Variants in ZNF710 observed in about 807,000 individuals in gnomAD.
The protein encoded by ZNF710 is zinc finger protein 710.
In ZNF710, 13 loss-of-function variants were observed where a neutral mutation model predicts 50.6. The observed-to-expected ratio is 0.26, with a 90% confidence interval of 0.17 to 0.41. The LOEUF is 0.41. ZNF710 is among the 10% of genes least tolerant of loss of function. The pLI is 1.00. For synonymous variants in ZNF710, 383 were observed against 397.0 expected, an observed-to-expected ratio of 0.96 and a Z score of 0.42; for missense variants, 721 against 936.6, an observed-to-expected ratio of 0.77 and a Z score of 3.01.
Position 90,067,124 on chromosome 15 carries a change from C to A in ZNF710, c.-14C>A. On this transcript the variant is annotated 5_prime_UTR_variant, in exon 2 of 5. Coordinates refer to ENST00000268154, the MANE Select transcript of ZNF710 (RefSeq NM_198526.4). The surrounding 1 kb of genome is among the most constrained non-coding windows in gnomAD (Gnocchi z 8.1). ...TCCACCCACAGCGATGCCCTCCTAG[C>A]TAGCCGTCACGGGATGGAGGGCTTC... 1 of 1,579,796 alleles carries A rather than the reference C, an allele frequency of 6.3e-7. No homozygotes were observed. Among genetic ancestry groups the A allele is most frequent in the Non-Finnish European group, 8.6e-7 (1 of 1,160,942 alleles).
intron 1 of ZNF710, among the ~76,000 whole-genome samples, chr15:90,064,461 C>T (rs892228296): frequency 2.6e-5 from 4 of 152,210 alleles, no homozygotes; most frequent in African/African-American, 9.6e-5. Flanking sequence ...AAAGCCTTCT[C>T]CCAGAGATCT....
At chr15:90,002,467 C>T (rs1178877050) in intron 1 of ZNF710, 8 of 152,410 alleles carry the variant, frequency 5.2e-5, no homozygotes, top group Admixed American at 3.3e-4. Context: ...GTCGCCCTCT[C>T]TCCGTCTTCT....
intron 1 of ZNF710, among the ~76,000 whole-genome samples, chr15:90,028,167 C>T (rs1463863403): frequency 3.9e-5 from 6 of 152,116 alleles, no homozygotes; most frequent in African/African-American, 1.4e-4. Context: ...ACAGTAAATA[C>T]CCATACACCA....
chr15:90,014,656 A>T (rs1898402332), intron 1 of ZNF710, among the ~76,000 whole-genome samples: 1 of 152,120 alleles, frequency 6.6e-6, no homozygotes, highest in Admixed American at 6.5e-5. Flanking sequence ...AACTTGGAGA[A>T]AGTACTTTCT....
chr15:90,010,686 A>G (rs576709927), intron 1 of ZNF710, among the ~76,000 whole-genome samples: 3 of 152,206 alleles, frequency 2.0e-5, no homozygotes, highest in East Asian at 3.9e-4. Context: ...GAATTGATTG[A>G]AAGATTTTTT....
intron 2 of ZNF710, among the ~76,000 whole-genome samples, chr15:90,070,004 A>G (rs1005270978): frequency 5.9e-5 from 9 of 152,294 alleles, no homozygotes; most frequent in Admixed American, 5.2e-4. Context: ...CTGAATGTAC[A>G]TAGAGCTTCC....
intron 1 of ZNF710, among the ~76,000 whole-genome samples, chr15:90,015,780 T>G (rs1225949581): frequency 6.6e-6 from 1 of 151,960 alleles, no homozygotes; most frequent in African/African-American, 2.4e-5. Context: ...CCAGCTAATT[T>G]TTAAATTTTT....
intron 1 of ZNF710, among the ~76,000 whole-genome samples, chr15:90,027,846 GAAA>G (rs11390221): frequency 1.5e-5 from 2 of 133,358 alleles, no homozygotes; most frequent in African/African-American, 2.8e-5. Flanking sequence ...ACACTGTCTC[GAAA>G]AAAAAAAAAA....
rs1487487738 is a variant in ZNF710 at position 90,001,367 on chromosome 15, C to A, written c.-276C>A. The A allele has an allele frequency of 6.6e-6, 1 of 152,170 alleles. No individual in the cohort carries two copies. The highest frequency in any genetic ancestry group is 2.4e-5 in the African/African-American group (1 of 41,422). The allele number at this position is 152,170 out of a possible 1,614,324, so 9.4% of individuals were successfully genotyped here. A position where few individuals can be genotyped will look rare whatever the true frequency, so the allele number is the denominator to read the frequency against. On this transcript the variant is annotated 5_prime_UTR_variant, in exon 1 of 5. Coordinates refer to ENST00000268154, the MANE Select transcript of ZNF710 (RefSeq NM_198526.4). ...GGAGGAGCTGTTTTGCATCCCTTCA[C>A]GTCAGCCCTGCCTCATTCCCTTCTT...
At chr15:90,077,494 T>G (rs890015863) in intron 4 of ZNF710, among the ~76,000 whole-genome samples, 4 of 152,124 alleles carry the variant, frequency 2.6e-5, no homozygotes, top group African/African-American at 9.7e-5. Context: ...TCTGCCTGCC[T>G]TGGCCTCCCA....
intron 1 of ZNF710, among the ~76,000 whole-genome samples, chr15:90,031,580 C>G (rs745891860): frequency 9.2e-5 from 14 of 152,200 alleles, no homozygotes; most frequent in Non-Finnish European, 2.1e-4. Context: ...CAGCACTTGC[C>G]CCATGGGAGA....
chr15:90,008,741 A>G (rs756777705), intron 1 of ZNF710, among the ~76,000 whole-genome samples: 5 of 151,518 alleles, frequency 3.3e-5, no homozygotes, highest in Non-Finnish European at 7.4e-5. Context: ...TGATGGCCTC[A>G]GTGTACTCCA....
Position 90,067,414 on chromosome 15 carries a change from A to T in ZNF710, c.277A>T (p.Lys93Ter). Residue 93 changes from lysine to a stop codon, truncating the protein, a stop_gained, in exon 2 of 5, where the codon AAG (lysine) becomes TAG (stop). Transcript: ENST00000268154. LOFTEE classifies it high-confidence loss of function. The surrounding 1 kb of genome is among the most constrained non-coding windows in gnomAD (Gnocchi z 8.1). ...EVLEVEAACE[K>*]HTRRKTRPPV... ...GCTGGAGGTGGAGGCAGCCTGTGAG[A>T]AGCACACCCGGCGGAAGACGCGGCC... 1 of 1,601,566 alleles carries T rather than the reference A, an allele frequency of 6.2e-7. No individual in the cohort carries two copies. The highest frequency in any genetic ancestry group is 8.5e-7 in the Non-Finnish European group (1 of 1,173,792).
At chr15:90,041,732 G>A (rs1208499267) in intron 1 of ZNF710, among the ~76,000 whole-genome samples, 1 of 152,106 alleles carries the variant, frequency 6.6e-6, no homozygotes, top group Non-Finnish European at 1.5e-5. Flanking sequence ...CGAGTCTTGT[G>A]CACTGCTATC....
At chr15:90,073,002 C>G in intron 2 of ZNF710, 69 bp from the exon 3 acceptor site, 1 of 1,537,076 alleles carries the variant, frequency 6.5e-7, no homozygotes, top group Non-Finnish European at 8.9e-7. Context: ...CTACCCGGCT[C>G]CCCACAAAGG....
rs2151467284 is a variant in ZNF710, at chr15:90,014,463, A to G, written c.-29+12849A>G. Among the ~76,000 whole-genome samples the G allele has an allele frequency of 2.7e-5, 4 of 150,018 alleles. 1 individual carries two copies. The South Asian group carries it at 8.5e-4, about 32-fold the overall frequency. On this transcript the variant is annotated intron_variant, in intron 1 of 4. Coordinates refer to ENST00000268154, the MANE Select transcript of ZNF710 (RefSeq NM_198526.4). ...AGGCTGAGGTGGGAGGATCAGTTGT[A>G]CCCGGGAGTTTGAATCCAGTCTGGG... is the stretch of plus-strand genomic sequence containing the variant.
At chr15:90,069,895 G>A (rs143264577) in intron 2 of ZNF710, among the ~76,000 whole-genome samples, 57 of 152,176 alleles carry the variant, frequency 3.7e-4, no homozygotes, top group African/African-American at 9.6e-4. Context: ...CCTCATATCC[G>A]GGTAGGTGGA....
rs747160066 is a variant in ZNF710 at position 90,074,137 on chromosome 15, C to T, written c.1672C>T (p.Arg558Cys). 1.9e-6 allele frequency: 3 copies of T among 1,613,316 alleles called. No individual in the cohort carries two copies. Among genetic ancestry groups the T allele is most frequent in the African/African-American group, 1.3e-5 (1 of 74,862 alleles). ...KCKVCGKSFN[R>C]MYNLLGHMHL... ...CTAGGTGTGCGGGAAGTCCTTCAAC[C>T]GCATGTACAACCTGCTGGGCCACAT... The change falls in exon 4 of 5, where the codon CGC (arginine) becomes TGC (cysteine). Residue 558 changes from arginine to cysteine, a missense_variant. This residue lies in a region of ZNF710 where 326 missense variants were observed against 522.0 expected (regional missense o/e 0.62). Transcript: ENST00000268154.
intron 1 of ZNF710, among the ~76,000 whole-genome samples, chr15:90,014,530 A>C (rs1172454141): frequency 1.3e-5 from 2 of 151,712 alleles, no homozygotes; most frequent in African/African-American, 4.8e-5. Flanking sequence ...AAAAAAAAAA[A>C]AGATGGCATT....
Sources: gnomAD v4.1 joint callset for allele counts (sites outside exome capture counted in the v4.1 genomes callset) on GRCh38, gnomAD v4.1.1 for gene constraint, gnomAD v4.1.1 regional missense constraint, Gnocchi (gnomAD v3.1) non-coding constraint, MANE v1.5 for transcripts, NCBI Gene and HGNC (gene_info 2026-07-23, HGNC 2026-07-21) for gene names.